The following DACH2 variants were observed in gnomAD, a reference collection of about 807,000 sequenced individuals.
DACH2 encodes the protein dachshund homolog 2.
DACH2 carries 17 observed loss-of-function variants against 35.8 expected under a neutral mutation model. The ratio of observed to expected loss-of-function variants is 0.48; its 90% CI spans 0.33 to 0.71. DACH2 has a LOEUF of 0.71. Ranked by LOEUF, DACH2 falls within the 30% of genes least tolerant of loss-of-function variation. DACH2 has a pLI of 0.02. For missense variants in DACH2, 469 were observed against 472.7 expected (o/e 0.99, Z 0.07); for synonymous variants, 195 against 177.3 (o/e 1.10, Z -0.79).
intron 1 of DACH2, among the ~76,000 whole-genome samples, chrX:86,272,012 T>G (rs1314000725): frequency 2.7e-5 from 3 of 111,330 alleles, no homozygotes; most frequent in Non-Finnish European, 5.7e-5. Context: ...CAGTCTCCAG[T>G]GTTTATTATT....
intron 2 of DACH2, among the ~76,000 whole-genome samples, chrX:86,387,400 C>T (rs2148114529): frequency 9.0e-6 from 1 of 111,382 alleles, no homozygotes; most frequent in South Asian, 3.7e-4. Context: ...ACTAGTATTC[C>T]ATAAAATGCA....
chrX:86,470,749 A>T (rs905805564), intron 2 of DACH2, among the ~76,000 whole-genome samples: 1 of 111,227 alleles, frequency 9.0e-6, no homozygotes, highest in Non-Finnish European at 1.9e-5. Flanking sequence ...CAATGTATTC[A>T]TGTATCAAAA....
At chrX:86,150,732 T>C (rs960236168) in intron 1 of DACH2, among the ~76,000 whole-genome samples, 1 of 111,905 alleles carries the variant, frequency 8.9e-6, no homozygotes, top group Non-Finnish European at 1.9e-5. Flanking sequence ...AAAAAGACAA[T>C]TTTATTTCGA....
chrX:86,322,398 T>C (rs2035031296), intron 1 of DACH2, among the ~76,000 whole-genome samples: 1 of 110,536 alleles, frequency 9.0e-6, no homozygotes, highest in South Asian at 3.9e-4. Context: ...CATCCCTTAG[T>C]CTCCTTGTTC....
intron 3 of DACH2, among the ~76,000 whole-genome samples, chrX:86,568,556 G>C (rs1019406792): frequency 1.2e-4 from 13 of 111,783 alleles, no homozygotes; most frequent in African/African-American, 3.9e-4. Flanking sequence ...GAAGACTAAA[G>C]TGGAAGGTTA....
chrX:86,296,425 T>C (rs911918868), intron 1 of DACH2, among the ~76,000 whole-genome samples: 26 of 108,012 alleles, frequency 2.4e-4, no homozygotes, highest in Non-Finnish European at 4.6e-4. Flanking sequence ...TATCTTAAGT[T>C]AGTTCATGAC....
chrX:86,830,922 G>A lies in DACH2; in HGVS notation c.1751-1184G>A, dbSNP rs1214878790. 1.1e-4 allele frequency: 12 copies of A among 111,414 alleles called. No homozygotes were observed. The East Asian group carries it at 3.4e-3, about 32-fold the overall frequency. The allele number at this position is 111,414 out of a possible 1,213,427, so 9.2% of individuals were successfully genotyped here. On this transcript the variant is annotated intron_variant, in intron 11 of 11. Coordinates refer to ENST00000373125, the MANE Select transcript of DACH2 (RefSeq NM_053281.3). ...CACAAAGGAGTTGGAACAATTACCA[G>A]TGTCCAAAAATTCAAGCTTTGTTTT...
chrX:86,650,189 C>G (rs1237599328), intron 3 of DACH2, among the ~76,000 whole-genome samples: 6 of 110,308 alleles, frequency 5.4e-5, no homozygotes, highest in Admixed American at 4.9e-4. Context: ...TACCCCACAC[C>G]CCACCTTTTT....
At chrX:86,367,502 A>C (rs1000717669) in intron 1 of DACH2, among the ~76,000 whole-genome samples, 2 of 111,813 alleles carry the variant, frequency 1.8e-5, no homozygotes, top group Admixed American at 1.9e-4. Flanking sequence ...CTTTCAATGT[A>C]ATCTACCTAT....
chrX:86,428,747 G>C (rs770800824), intron 2 of DACH2, among the ~76,000 whole-genome samples: 1 of 107,657 alleles, frequency 9.3e-6, no homozygotes, highest in South Asian at 4.0e-4. Flanking sequence ...CCATTCCTAA[G>C]TTTCGATTCA....
chrX:86,637,646 T>A (rs1184850749), intron 3 of DACH2, among the ~76,000 whole-genome samples: 1 of 111,493 alleles, frequency 9.0e-6, no homozygotes, highest in Non-Finnish European at 1.9e-5. Flanking sequence ...ATACCACATA[T>A]CCTCACTTAT....
chrX:86,313,302 T>C (rs185083820), intron 1 of DACH2, among the ~76,000 whole-genome samples: 137 of 112,040 alleles, frequency 1.2e-3, no homozygotes, highest in Middle Eastern at 9.2e-3. Flanking sequence ...AGAATAAAAG[T>C]AGATCTGTAC....
At chrX:86,595,736 ATATATATAGTTTTACATATATATAGT>A (rs1280182134) in intron 3 of DACH2, among the ~76,000 whole-genome samples, 1 of 108,643 alleles carries the variant, frequency 9.2e-6, no homozygotes, top group African/African-American at 3.3e-5. Context: ...AGCTATAGTT[ATATATATAGTTTTACATATATATAGT>A]TATATATAGT....
At chrX:86,212,641 G>A (rs757581334) in intron 1 of DACH2, among the ~76,000 whole-genome samples, 3 of 110,773 alleles carry the variant, frequency 2.7e-5, no homozygotes, top group Non-Finnish European at 3.8e-5. Flanking sequence ...GGGAGACATC[G>A]TTTTTCCTTC....
At chrX:86,528,295 C>T (rs2038662875) in intron 3 of DACH2, among the ~76,000 whole-genome samples, 1 of 111,624 alleles carries the variant, frequency 9.0e-6, no homozygotes, top group Non-Finnish European at 1.9e-5. Context: ...ACACAGTTGG[C>T]TTTTTGATCT....
chrX:86,667,570 AAGAAAGAAAGAAAG>A (rs2040708968), intron 4 of DACH2, among the ~76,000 whole-genome samples: 2 of 98,009 alleles, frequency 2.0e-5, no homozygotes, highest in Non-Finnish European at 4.0e-5. Flanking sequence ...GAAAGAAAGA[AAGAAAGAAAGAAAG>A]AAAGAAAGAA....
intron 1 of DACH2, among the ~76,000 whole-genome samples, chrX:86,346,298 T>C (rs1230294426): frequency 9.1e-6 from 1 of 109,905 alleles, no homozygotes. Context: ...ATTTTTTTTT[T>C]TTAGCAAAAA....
At chrX:86,405,416 C>T (rs2036511043) in intron 2 of DACH2, among the ~76,000 whole-genome samples, 1 of 111,472 alleles carries the variant, frequency 9.0e-6, no homozygotes, top group African/African-American at 3.3e-5. Context: ...TACGGCCAGT[C>T]TCTTTTCATA....
At chrX:86,300,215 A>T (rs1051620175) in intron 1 of DACH2, among the ~76,000 whole-genome samples, 2 of 110,412 alleles carry the variant, frequency 1.8e-5, no homozygotes, top group African/African-American at 6.6e-5. Context: ...CCTTGAAGGA[A>T]CTGAACTTTA....
Sources: allele counts gnomAD v4.1 joint callset (sites outside exome capture counted in the v4.1 genomes callset), GRCh38; gene constraint gnomAD v4.1.1; transcripts MANE v1.5; gene names NCBI Gene and HGNC (gene_info 2026-07-23, HGNC 2026-07-21).